BCO1: variants seen among roughly 807,000 people sequenced by gnomAD.
BCO1 encodes the protein beta,beta-carotene 15,15'-dioxygenase.
In BCO1, 54 loss-of-function variants were observed where a neutral mutation model predicts 56.3. That is an observed-to-expected ratio of 0.96 (90% CI 0.77 to 1.20). The LOEUF is 1.20. BCO1 is among the 50% of genes most tolerant of loss of function. The pLI is 0.00. For synonymous variants in BCO1, 318 were observed against 266.1 expected (o/e 1.20, Z -1.90); for missense variants, 801 against 690.9 (o/e 1.16, Z -1.79).
intron 8 of BCO1, among the ~76,000 whole-genome samples, chr16:81,285,314 GGA>G (rs1908113721): frequency 6.6e-6 from 1 of 152,214 alleles, no homozygotes; most frequent in Non-Finnish European, 1.5e-5. Context: ...ACCTAGGTCT[GGA>G]GTACCTTGCT....
intron 2 of BCO1, among the ~76,000 whole-genome samples, chr16:81,258,355 C>T (rs1235276528): frequency 6.6e-6 from 1 of 152,194 alleles, no homozygotes; most frequent in African/African-American, 2.4e-5. Flanking sequence ...AGACTCTCTG[C>T]AGAATTTGGA....
At chr16:81,250,683 C>G (rs1470235593) in intron 2 of BCO1, among the ~76,000 whole-genome samples, 1 of 147,678 alleles carries the variant, frequency 6.8e-6, no homozygotes, top group South Asian at 2.1e-4. Context: ...CAGGTTCAAG[C>G]GATTCTCGTG....
At chr16:81,260,768 C>T (rs1597357286) in intron 3 of BCO1, among the ~76,000 whole-genome samples, 1 of 152,290 alleles carries the variant, frequency 6.6e-6, no homozygotes, top group Middle Eastern at 3.4e-3. Context: ...CTTGGCATCC[C>T]AAAGTGCTAG....
chr16:81,276,252 G>A (rs959489030), intron 7 of BCO1, among the ~76,000 whole-genome samples: 2 of 152,250 alleles, frequency 1.3e-5, no homozygotes, highest in Non-Finnish European at 2.9e-5. Context: ...TTGGAGGACT[G>A]TGGTCCAGGC....
In BCO1 at chr16:81,284,174, CAG is replaced by C. The variant is rs542785898; in HGVS notation, c.1208-1363_1208-1362del. Among the ~76,000 whole-genome samples the C allele has an allele frequency of 1.5e-3, 234 of 151,250 alleles. 2 individuals are homozygous for C. The highest frequency in any genetic ancestry group is 5.5e-3 in the African/African-American group (225 of 41,246). On this transcript the variant is annotated intron_variant, in intron 8 of 10. Coordinates refer to ENST00000258168, the MANE Select transcript of BCO1 (RefSeq NM_017429.3). ...AGCCACTGCACTCCAGCCCAGGCGA[CAG>C]AGCTAGACTCCATCTCAAAACAACA...
intron 4 of BCO1, chr16:81,264,228 A>C (rs1285295395): frequency 3.5e-6 from 1 of 283,376 alleles, no homozygotes; most frequent in African/African-American, 2.2e-5. Flanking sequence ...ACTGTGGCCA[A>C]GATTAGCTCG....
At chr16:81,247,685 C>G (rs944215881) in intron 2 of BCO1, among the ~76,000 whole-genome samples, 32 of 151,922 alleles carry the variant, frequency 2.1e-4, no homozygotes, top group Non-Finnish European at 4.4e-4. Flanking sequence ...CGCCACCATA[C>G]TCAGCTAATT....
rs1905417998 is a variant in BCO1, at chr16:81,246,388, CA to C, written c.193+786del. ...GGGATTTGGATGTGGAGATATTTGT[CA>C]GGGGTGCATTATTCAGCCAACCGCA... On this transcript the variant is annotated intron_variant, in intron 2 of 10. Transcript: ENST00000258168. Among the ~76,000 whole-genome samples, 3 of 152,252 alleles carry C rather than the reference CA, an allele frequency of 2.0e-5. 1 individual carries two copies. The South Asian group carries it at 6.2e-4, about 32-fold the overall frequency.
chr16:81,248,405 C>CAAAAAAAAAAAA (rs372084002), intron 2 of BCO1, among the ~76,000 whole-genome samples: 72 of 102,788 alleles, frequency 7.0e-4, no homozygotes, highest in African/African-American at 2.3e-3. Flanking sequence ...CTCCCTCTCA[C>CAAAAAAAAAAAA]AAAAAAAAAA....
chr16:81,251,104 G>A (rs1905769284), intron 2 of BCO1, among the ~76,000 whole-genome samples: 1 of 152,204 alleles, frequency 6.6e-6, no homozygotes, highest in Non-Finnish European at 1.5e-5. Flanking sequence ...ATAGCCTTCT[G>A]TACCTTTTTA....
At chr16:81,282,413 A>AAAAAT (rs1567464691) in intron 8 of BCO1, among the ~76,000 whole-genome samples, 10 of 151,744 alleles carry the variant, frequency 6.6e-5, no homozygotes, top group African/African-American at 2.4e-4. Context: ...AAAACAAAAA[A>AAAAAT]CCCTGAGAGC....
intron 2 of BCO1, among the ~76,000 whole-genome samples, chr16:81,259,100 G>T (rs1485173348): frequency 2.6e-5 from 4 of 152,118 alleles, no homozygotes; most frequent in Non-Finnish European, 5.9e-5. Flanking sequence ...AACATCACAG[G>T]CTTCAACATG....
At chr16:81,272,036 A>C (rs112604579) in intron 7 of BCO1, among the ~76,000 whole-genome samples, 110 of 149,864 alleles carry the variant, frequency 7.3e-4, no homozygotes, top group African/African-American at 2.3e-3. Context: ...TGTGAGCCAC[A>C]GTGCCCGGCC....
In BCO1 at chr16:81,270,703, T is replaced by TGTGTGTGG. The variant is rs1301093929; in HGVS notation, c.1101+294_1101+295insGGTGTGTG. 2.0e-5 allele frequency among the ~76,000 whole-genome samples: 3 copies of TGTGTGTGG among 151,436 alleles called. No homozygotes were observed. In the East Asian group the frequency reaches 5.8e-4, roughly 29 times the overall value. On this transcript the variant is annotated intron_variant, in intron 7 of 10. Coordinates refer to ENST00000258168, the MANE Select transcript of BCO1 (RefSeq NM_017429.3). The stretch of plus-strand genomic sequence containing the variant: ...CTCTCTCTCTGTGTCTGTGTGTGTG[T>TGTGTGTGG]GTGTGTGTGTGTGTGTGAATCTTCA...
intron 7 of BCO1, among the ~76,000 whole-genome samples, chr16:81,279,003 G>A (rs950237413): frequency 3.9e-5 from 6 of 152,196 alleles, no homozygotes; most frequent in Admixed American, 2.6e-4. Flanking sequence ...TGAGCCAGGT[G>A]TACTGGCTCA....
intron 2 of BCO1, among the ~76,000 whole-genome samples, chr16:81,248,903 T>G (rs531004480): frequency 1.1e-4 from 16 of 152,026 alleles, no homozygotes; most frequent in Non-Finnish European, 1.5e-5. Context: ...TCCCAGCTAC[T>G]TGGGAGGCTG....
chr16:81,274,697 G>A (rs1305989923), intron 7 of BCO1, among the ~76,000 whole-genome samples: 1 of 152,186 alleles, frequency 6.6e-6, no homozygotes, highest in Non-Finnish European at 1.5e-5. Flanking sequence ...GGCCAACAAG[G>A]TGAAACCCTG....
At chr16:81,276,178 G>A (rs529273742) in intron 7 of BCO1, among the ~76,000 whole-genome samples, 1 of 152,348 alleles carries the variant, frequency 6.6e-6, no homozygotes, top group African/African-American at 2.4e-5. Flanking sequence ...GCCAGGCTCT[G>A]TGTTCAATGC....
intron 1 of BCO1, among the ~76,000 whole-genome samples, chr16:81,242,024 G>C (rs1053747295): frequency 2.6e-5 from 4 of 151,984 alleles, no homozygotes; most frequent in African/African-American, 4.8e-5. Context: ...GAACACAGTG[G>C]CTGGTGTATG....
Sources: gnomAD v4.1 joint callset for allele counts (sites outside exome capture counted in the v4.1 genomes callset) on GRCh38, gnomAD v4.1.1 for gene constraint, MANE v1.5 for transcripts, NCBI Gene and HGNC (gene_info 2026-07-23, HGNC 2026-07-21) for gene names.